The following EFNA5 variants were observed in gnomAD, a reference collection of about 807,000 sequenced individuals.
EFNA5 encodes the protein ephrin A5, also known as ephrin-A5.
A neutral mutation model predicts 22.9 loss-of-function variants in EFNA5; 5 were observed. The observed-to-expected ratio is 0.22, with a 90% CI of 0.11 to 0.46. EFNA5 has a LOEUF of 0.46. Ranked by LOEUF, EFNA5 falls within the 20% of genes least tolerant of loss-of-function variation. The probability of loss-of-function intolerance (pLI) is 0.99; values close to 1 mark genes in which losing one functional copy is unlikely to be tolerated. For missense variants in EFNA5, 237 were observed against 293.3 expected, an observed-to-expected ratio of 0.81 and a Z score of 1.40; for synonymous variants, 113 against 112.2, an observed-to-expected ratio of 1.01 and a Z score of -0.04.
intron 1 of EFNA5, among the ~76,000 whole-genome samples, chr5:107,551,528 AG>A (rs1308804385): frequency 6.6e-6 from 1 of 152,176 alleles, no homozygotes; most frequent in Non-Finnish European, 1.5e-5. Context: ...ACGGAAGCTC[AG>A]TGAGTATCCC....
At chr5:107,638,590 A>T (rs528163282) in intron 1 of EFNA5, among the ~76,000 whole-genome samples, 1 of 152,360 alleles carries the variant, frequency 6.6e-6, no homozygotes, top group East Asian at 1.9e-4. Context: ...TTTACATAGC[A>T]TCTATGTTGT....
rs1747402052 is a variant in EFNA5 at position 107,380,256 on chromosome 5, T to C, written c.*999A>G. ...CCTCTGGCCACTGCGGTCCTCTCCT[T>C]GGTACATGTCATCCCCCAGAGGAGT... On this transcript the variant is annotated 3_prime_UTR_variant, in exon 5 of 5. Coordinates refer to ENST00000333274, the MANE Select transcript of EFNA5 (RefSeq NM_001962.3). 6.6e-6 allele frequency: 1 copy of C among 151,832 alleles called. No homozygotes were observed. Among genetic ancestry groups the C allele is most frequent in the African/African-American group, 2.4e-5 (1 of 41,264 alleles). 9.4% of individuals were successfully genotyped at this position (151,832 alleles called of 1,614,324 possible).
At chr5:107,470,921 T>G (rs545194294) in intron 1 of EFNA5, among the ~76,000 whole-genome samples, 1 of 152,306 alleles carries the variant, frequency 6.6e-6, no homozygotes, top group Non-Finnish European at 1.5e-5. Flanking sequence ...CTTTTTTATC[T>G]CTTTTCTTCA....
At chr5:107,564,340 T>A (rs1180780009) in intron 1 of EFNA5, among the ~76,000 whole-genome samples, 1 of 152,220 alleles carries the variant, frequency 6.6e-6, no homozygotes, top group Admixed American at 6.5e-5. Flanking sequence ...CACACCCTTC[T>A]CTCCTAAGAA....
At chr5:107,658,013 T>C (rs987410666) in intron 1 of EFNA5, among the ~76,000 whole-genome samples, 10 of 152,146 alleles carry the variant, frequency 6.6e-5, no homozygotes, top group Non-Finnish European at 1.5e-4. Flanking sequence ...ACCTAGACTC[T>C]ACAGGAGCAA....
chr5:107,381,975 C>T (rs1412553901), intron 4 of EFNA5, among the ~76,000 whole-genome samples: 1 of 152,148 alleles, frequency 6.6e-6, no homozygotes, highest in Admixed American at 6.5e-5. Context: ...CACTAGTTTG[C>T]CTGCAATTAG....
chr5:107,592,059 A>T lies in EFNA5; in HGVS notation c.125+78430T>A, dbSNP rs1388835990. Among the ~76,000 whole-genome samples, 114 of 87,066 alleles carry T rather than the reference A, an allele frequency of 1.3e-3. 11 individuals are homozygous for T. Among genetic ancestry groups the T allele is most frequent in the African/African-American group, 6.1e-3 (108 of 17,636 alleles). The allele number at this position is 87,066 out of a possible 152,430, so 57.1% of individuals were successfully genotyped here. On this transcript the variant is annotated intron_variant, in intron 1 of 4. Coordinates refer to ENST00000333274, the MANE Select transcript of EFNA5 (RefSeq NM_001962.3). ...ATTATATATATTATACATTAAACAT[A>T]TATTTATAATAATAATAAATTATTA...
intron 2 of EFNA5, among the ~76,000 whole-genome samples, chr5:107,401,153 A>G (rs145774177): frequency 6.6e-6 from 1 of 152,350 alleles, no homozygotes; most frequent in East Asian, 1.9e-4. Context: ...ATATAAAAAC[A>G]AGTATTCTAT....
Position 107,420,522 on chromosome 5 carries a change from T to TAA in EFNA5, c.418+6693_418+6694dup, listed in dbSNP as rs368304882. 6.2e-3 allele frequency among the ~76,000 whole-genome samples: 669 copies of TAA among 108,596 alleles called. 3 individuals carry two copies. The highest frequency in any genetic ancestry group is 0.013 in the African/African-American group (346 of 26,462). The allele number at this position is 108,596 out of a possible 152,430, so 71.2% of individuals were successfully genotyped here. A position where few individuals can be genotyped will look rare whatever the true frequency, so the allele number is the denominator to read the frequency against. ...TACACTTAACCAGAGTCTGTGCTTT[T>TAA]AAAAAAAAAAAAAAAAAAGAAAAAA... On this transcript the variant is annotated intron_variant, in intron 2 of 4. Coordinates refer to ENST00000333274, the MANE Select transcript of EFNA5 (RefSeq NM_001962.3).
At chr5:107,617,060 A>T (rs1162985874) in intron 1 of EFNA5, among the ~76,000 whole-genome samples, 1 of 152,242 alleles carries the variant, frequency 6.6e-6, no homozygotes, top group East Asian at 1.9e-4. Context: ...CCAAGAACCA[A>T]ATCTAAAGGC....
At chr5:107,539,225 T>C (rs1747993719) in intron 1 of EFNA5, among the ~76,000 whole-genome samples, 1 of 152,242 alleles carries the variant, frequency 6.6e-6, no homozygotes, top group South Asian at 2.1e-4. Context: ...TAATTTACGA[T>C]GCTAAAAAGA....
intron 1 of EFNA5, among the ~76,000 whole-genome samples, chr5:107,494,440 C>T (rs1368327415): frequency 6.6e-6 from 1 of 152,184 alleles, no homozygotes; most frequent in African/African-American, 2.4e-5. Flanking sequence ...AGCCCACTGG[C>T]GCTGAGCTTG....
At chr5:107,629,500 A>G (rs79140487) in intron 1 of EFNA5, among the ~76,000 whole-genome samples, 4,450 of 152,256 alleles carry the variant, frequency 0.029, 102 homozygotes, top group Non-Finnish European at 0.045. Context: ...TAAACTGTAG[A>G]CTTTGGGTGA....
chr5:107,582,329 A>AT (rs1320586612), intron 1 of EFNA5, among the ~76,000 whole-genome samples: 7 of 152,224 alleles, frequency 4.6e-5, no homozygotes, highest in Non-Finnish European at 8.8e-5. Flanking sequence ...ATTGTTCCAC[A>AT]TATCTACATA....
At chr5:107,548,750 C>T (rs755248240) in intron 1 of EFNA5, among the ~76,000 whole-genome samples, 2 of 152,120 alleles carry the variant, frequency 1.3e-5, no homozygotes, top group Non-Finnish European at 2.9e-5. Flanking sequence ...CTGTCAGTTT[C>T]CTCATCTGTA....
chr5:107,523,907 A>G (rs527523690), intron 1 of EFNA5, among the ~76,000 whole-genome samples: 2 of 152,244 alleles, frequency 1.3e-5, no homozygotes, highest in Non-Finnish European at 2.9e-5. Context: ...CTTACCTTCC[A>G]ATTCATTTCT....
At chr5:107,489,662 C>CCA (rs1203455643) in intron 1 of EFNA5, among the ~76,000 whole-genome samples, 2 of 149,080 alleles carry the variant, frequency 1.3e-5, no homozygotes, top group Non-Finnish European at 3.0e-5. Flanking sequence ...CCCCACCTAC[C>CCA]CCCCCCACCA....
chr5:107,393,790 C>A (rs1561367056), intron 2 of EFNA5, among the ~76,000 whole-genome samples: 1 of 152,104 alleles, frequency 6.6e-6, no homozygotes, highest in Non-Finnish European at 1.5e-5. Context: ...ATTCCTTTCA[C>A]AATAAATGCT....
intron 2 of EFNA5, among the ~76,000 whole-genome samples, chr5:107,425,449 T>C (rs1240366766): frequency 2.0e-5 from 3 of 152,208 alleles, no homozygotes; most frequent in Admixed American, 2.0e-4. Flanking sequence ...TGAGTTGCTG[T>C]CCCACAAATG....
Sources: gnomAD v4.1 joint callset for allele counts (sites outside exome capture counted in the v4.1 genomes callset) on GRCh38, gnomAD v4.1.1 for gene constraint, MANE v1.5 for transcripts, NCBI Gene and HGNC (gene_info 2026-07-23, HGNC 2026-07-21) for gene names.